PITPNC1: variants seen among roughly 807,000 people sequenced by gnomAD.
PITPNC1 encodes cytoplasmic phosphatidylinositol transfer protein 1.
In PITPNC1, 18 loss-of-function variants were observed where a neutral mutation model predicts 44.7. That is an observed-to-expected ratio of 0.40 (90% CI 0.28 to 0.60). The LOEUF (loss-of-function observed/expected upper bound fraction) is 0.60. Among genes scored for constraint, PITPNC1 ranks in the 20% least tolerant of loss-of-function variants. The pLI is 0.39. For missense variants in PITPNC1, 290 were observed against 418.4 expected (o/e 0.69, Z 2.68); for synonymous variants, 141 against 149.6 (o/e 0.94, Z 0.42).
intron 6 of PITPNC1, among the ~76,000 whole-genome samples, chr17:67,644,772 T>C (rs988802063): frequency 6.6e-6 from 1 of 152,120 alleles, no homozygotes; most frequent in African/African-American, 2.4e-5. Context: ...CACAAGTTGC[T>C]CATAACTGGG....
chr17:67,540,890 A>C (rs1422530830), intron 2 of PITPNC1, among the ~76,000 whole-genome samples: 1 of 152,226 alleles, frequency 6.6e-6, no homozygotes, highest in African/African-American at 2.4e-5. Context: ...TACCCTTGAG[A>C]AACCCACAGC....
At chr17:67,674,482 G>A (rs1048586135) in intron 7 of PITPNC1, among the ~76,000 whole-genome samples, 1 of 146,846 alleles carries the variant, frequency 6.8e-6, no homozygotes, top group East Asian at 2.0e-4. Context: ...TCAGCCTGGG[G>A]GACAGAGCAA....
intron 4 of PITPNC1, among the ~76,000 whole-genome samples, chr17:67,558,113 G>C (rs959099984): frequency 3.3e-5 from 5 of 152,108 alleles, no homozygotes; most frequent in Non-Finnish European, 7.4e-5. Flanking sequence ...GCCCTCATTC[G>C]TGACAAAGCC....
At chr17:67,441,944 G>C (rs1287716411) in intron 1 of PITPNC1, among the ~76,000 whole-genome samples, 1 of 151,886 alleles carries the variant, frequency 6.6e-6, no homozygotes, top group Non-Finnish European at 1.5e-5. Context: ...ATAGGAGAAT[G>C]GGATTGTAAC....
chr17:67,387,343 A>AAC (rs1312101655), intron 1 of PITPNC1, among the ~76,000 whole-genome samples: 2 of 152,146 alleles, frequency 1.3e-5, no homozygotes, highest in Admixed American at 1.3e-4. Flanking sequence ...GTCTTTCCTG[A>AAC]ACACTCCATC....
chr17:67,473,155 T>C (rs550917356), intron 1 of PITPNC1, among the ~76,000 whole-genome samples: 22 of 152,110 alleles, frequency 1.4e-4, no homozygotes, highest in Non-Finnish European at 2.4e-4. Context: ...GGAATACAGG[T>C]GTGAGCCACC....
intron 1 of PITPNC1, among the ~76,000 whole-genome samples, chr17:67,516,613 C>T (rs1442378658): frequency 2.6e-5 from 4 of 152,006 alleles, no homozygotes; most frequent in Non-Finnish European, 5.9e-5. Flanking sequence ...GTGACCTCCC[C>T]GTTCTTTCTT....
chr17:67,483,900 C>T (rs1297168471), intron 1 of PITPNC1, among the ~76,000 whole-genome samples: 5 of 151,354 alleles, frequency 3.3e-5, no homozygotes, highest in Admixed American at 2.6e-4. Flanking sequence ...TCCCTTCACC[C>T]TTGCTAACGT....
At chr17:67,386,014 T>G (rs1366323464) in intron 1 of PITPNC1, among the ~76,000 whole-genome samples, 2 of 152,166 alleles carry the variant, frequency 1.3e-5, no homozygotes, top group African/African-American at 4.8e-5. Flanking sequence ...TTTTGCTTTT[T>G]CTTATTGTGA....
intron 4 of PITPNC1, among the ~76,000 whole-genome samples, chr17:67,577,271 A>G (rs1169947368): frequency 6.6e-6 from 1 of 152,082 alleles, no homozygotes; most frequent in Non-Finnish European, 1.5e-5. Context: ...AGCCTGGGTG[A>G]CAAAGTAAGA....
intron 1 of PITPNC1, chr17:67,408,632 C>G (rs746993269): frequency 6.6e-6 from 1 of 151,734 alleles, no homozygotes; most frequent in East Asian, 2.0e-4. Context: ...ACTCTCATTT[C>G]CTTTCCTTTC....
At chr17:67,645,298 G>A (rs949697054) in intron 6 of PITPNC1, among the ~76,000 whole-genome samples, 2 of 148,164 alleles carry the variant, frequency 1.3e-5, no homozygotes, top group East Asian at 2.0e-4. Flanking sequence ...CCAAGATCGC[G>A]CCATTGCATT....
rs34224324 is a variant in PITPNC1 at position 67,629,342 on chromosome 17, G to A, written c.367-2801G>A. ...GGCTGGAGTGCAGTGGCACGATCTC[G>A]GCTCACTGCAATGTCCACCTCCCAG... On this transcript the variant is annotated intron_variant, in intron 5 of 8. Transcript: ENST00000581322. 8.0e-3 allele frequency among the ~76,000 whole-genome samples: 1,205 copies of A among 151,452 alleles called. 17 individuals are homozygous for A. Among genetic ancestry groups the A allele is most frequent in the African/African-American group, 0.028 (1,140 of 41,282 alleles).
chr17:67,599,546 A>T (rs1215596207), intron 5 of PITPNC1, among the ~76,000 whole-genome samples: 1 of 152,292 alleles, frequency 6.6e-6, no homozygotes, highest in East Asian at 1.9e-4. Context: ...GAGAATCGGG[A>T]TGCCTGGGAG....
At chr17:67,618,389 T>C (rs1282615509) in intron 5 of PITPNC1, among the ~76,000 whole-genome samples, 2 of 113,216 alleles carry the variant, frequency 1.8e-5, no homozygotes, top group South Asian at 2.9e-4. Flanking sequence ...AAAAAAAAGA[T>C]ATGTATAACT....
chr17:67,570,449 G>A (rs558135104), intron 4 of PITPNC1, among the ~76,000 whole-genome samples: 6 of 152,320 alleles, frequency 3.9e-5, no homozygotes, highest in African/African-American at 1.4e-4. Flanking sequence ...CAGGTGTCCT[G>A]TGGATGCCTT....
chr17:67,463,029 A>T (rs1445930459), intron 1 of PITPNC1, among the ~76,000 whole-genome samples: 1 of 152,226 alleles, frequency 6.6e-6, no homozygotes, highest in African/African-American at 2.4e-5. Flanking sequence ...AAAAACAAAG[A>T]CTATTTAGCT....
chr17:67,439,977 A>G (rs973066272), intron 1 of PITPNC1, among the ~76,000 whole-genome samples: 11 of 152,164 alleles, frequency 7.2e-5, no homozygotes, highest in African/African-American at 2.7e-4. Context: ...GTAATTTGGG[A>G]TGTAAAATGT....
intron 5 of PITPNC1, among the ~76,000 whole-genome samples, chr17:67,629,726 G>T (rs2041942596): frequency 2.6e-5 from 4 of 152,200 alleles, no homozygotes. Context: ...TTCTCCACTT[G>T]AACTTGAACT....
Sources: allele counts gnomAD v4.1 joint callset (sites outside exome capture counted in the v4.1 genomes callset), GRCh38; gene constraint gnomAD v4.1.1; transcripts MANE v1.5; gene names NCBI Gene and HGNC (gene_info 2026-07-23, HGNC 2026-07-21).